The following RAB3A variants were observed in gnomAD, a reference collection of about 807,000 sequenced individuals.
RAB3A encodes the protein RAB3A, member RAS oncogene family.
In RAB3A, 5 loss-of-function variants were observed where a neutral mutation model predicts 19.7. The ratio of observed to expected loss-of-function variants is 0.25; its 90% CI spans 0.13 to 0.53. The LOEUF (loss-of-function observed/expected upper bound fraction) is 0.53. Among genes scored for constraint, RAB3A ranks in the 20% least tolerant of loss-of-function variants. The pLI is 0.95. For synonymous variants in RAB3A, 119 were observed against 122.1 expected, an observed-to-expected ratio of 0.97 and a Z score of 0.17; for missense variants, 189 against 305.6, an observed-to-expected ratio of 0.62 and a Z score of 2.85.
chr19:18,202,594 A>G lies in RAB3A; in HGVS notation c.147T>C (p.Pro49=). 1.2e-6 allele frequency: 2 copies of G among 1,614,224 alleles called. No individual in the cohort carries two copies. Among genetic ancestry groups the G allele is most frequent in the African/African-American group, 2.7e-5 (2 of 75,052 alleles). Residue 49 remains proline, a synonymous_variant, in exon 2 of 5, where the codon CCT becomes CCC. Transcript: ENST00000222256. This position sits in a 1 kb window ranked among gnomAD's most constrained non-coding sequence, Gnocchi z 4.2. ...CGATGCCCACGGTGCTGACGAAGGC[A>G]GGCGTGAACGAGTCGTCAGCATAGC... ...LFRYADDSFT[P]AFVSTVGIDF...
At chr19:18,199,909 T>A (rs987085004) in intron 3 of RAB3A, among the ~76,000 whole-genome samples, 1 of 152,208 alleles carries the variant, frequency 6.6e-6, no homozygotes, top group Non-Finnish European at 1.5e-5. Flanking sequence ...TACTTTTCCA[T>A]CTGAAATCCT....
chr19:18,198,203 A>G (rs1161673073), intron 4 of RAB3A, among the ~76,000 whole-genome samples: 1 of 151,666 alleles, frequency 6.6e-6, no homozygotes, highest in Non-Finnish European at 1.5e-5. Flanking sequence ...GTGACTCCCT[A>G]TTGCCCTCCA....
chr19:18,203,831 A>G (rs1390889429), intron 1 of RAB3A, 65 bp downstream of exon 1: 1 of 152,652 alleles, frequency 6.6e-6, no homozygotes, highest in East Asian at 1.9e-4. Context: ...CCATCAGCCC[A>G]TCAGTCAAAT....
Position 18,198,066 on chromosome 19 carries a change from GTGTCTCGT to G in RAB3A, c.473-414_473-407del, listed in dbSNP as rs1005760622. Among the ~76,000 whole-genome samples the G allele has an allele frequency of 1.6e-3, 241 of 151,906 alleles. 5 individuals are homozygous for G. Among genetic ancestry groups the G allele is most frequent in the Admixed American group, 0.016 (237 of 15,230 alleles). ...CCTCCTGCCCTTCCTTCCTAAAATT[GTGTCTCGT>G]TGTCCTTAGGGACCTGGCAAGACAT... On this transcript the variant is annotated intron_variant, in intron 4 of 4. Coordinates refer to ENST00000222256, the MANE Select transcript of RAB3A (RefSeq NM_002866.5).
At chr19:18,203,439 G>T (rs1176745292) in intron 1 of RAB3A, among the ~76,000 whole-genome samples, 2 of 152,184 alleles carry the variant, frequency 1.3e-5, no homozygotes, top group African/African-American at 4.8e-5. Flanking sequence ...CCCCGTGCTT[G>T]TATGCACGGG....
chr19:18,198,117 CCAGCCCCGTG>C (rs1288698897), intron 4 of RAB3A, among the ~76,000 whole-genome samples: 2 of 152,090 alleles, frequency 1.3e-5, no homozygotes, highest in Admixed American at 6.6e-5. Flanking sequence ...AGCGTCCAGC[CCAGCCCCGTG>C]CACTGGCCCT....
rs200394567 is a variant in RAB3A, at chr19:18,197,465, G to A, written c.*5C>T. 9.0e-4 allele frequency: 1,440 copies of A among 1,607,404 alleles called. No individual in the cohort carries two copies. The highest frequency in any genetic ancestry group is 1.2e-3 in the Non-Finnish European group (1,373 of 1,176,328). Reference sequence around the variant, plus strand: ...GGGAAGAGGGGAAAGGGAGTGGGATGGCTCTCAGCAGGCGCAGTCCTGGTG... The same window carrying A: ...GGGAAGAGGGGAAAGGGAGTGGGATAGCTCTCAGCAGGCGCAGTCCTGGTG... On this transcript the variant is annotated 3_prime_UTR_variant, in exon 5 of 5. Transcript: ENST00000222256.
At chr19:18,203,196 C>T (rs756345577) in intron 1 of RAB3A, among the ~76,000 whole-genome samples, 1 of 152,234 alleles carries the variant, frequency 6.6e-6, no homozygotes, top group Non-Finnish European at 1.5e-5. Flanking sequence ...AGAGCTCCGG[C>T]CAAGGCCGCT....
At chr19:18,197,705 T>C (rs1318532785) in intron 4 of RAB3A, 45 bp from the exon 5 acceptor site, 1 of 1,503,400 alleles carries the variant, frequency 6.7e-7, no homozygotes, top group Admixed American at 2.0e-5. Context: ...CCACGCCCTA[T>C]GCCAACTCCC....
At chr19:18,203,689 A>C (rs1967645415) in intron 1 of RAB3A, among the ~76,000 whole-genome samples, 1 of 152,124 alleles carries the variant, frequency 6.6e-6, no homozygotes, top group Non-Finnish European at 1.5e-5. Context: ...CCTCCGCCGC[A>C]GAGCAGGGGG....
chr19:18,202,340 T>C lies in RAB3A; in HGVS notation c.228+173A>G, dbSNP rs951196536. 239 of 599,338 alleles carry C rather than the reference T, an allele frequency of 4.0e-4. 2 individuals carry two copies. The highest frequency in any genetic ancestry group is 3.9e-3 in the Middle Eastern group (9 of 2,296). 37.1% of individuals were successfully genotyped at this position (599,338 alleles called of 1,614,324 possible). Reference sequence around the variant, plus strand: ...CTGAGGGACCAGGATTAGGTGCTTATGGGAGAACACAGGTGCTGTTTCTGC... The same window carrying C: ...CTGAGGGACCAGGATTAGGTGCTTACGGGAGAACACAGGTGCTGTTTCTGC... On this transcript the variant is annotated intron_variant, in intron 2 of 4. Coordinates refer to ENST00000222256, the MANE Select transcript of RAB3A (RefSeq NM_002866.5). The surrounding 1 kb of genome is among the most constrained non-coding windows in gnomAD (Gnocchi z 4.2).
chr19:18,201,150 G>A (rs911075966), intron 2 of RAB3A, among the ~76,000 whole-genome samples: 2 of 150,910 alleles, frequency 1.3e-5, no homozygotes, highest in Non-Finnish European at 2.9e-5. Flanking sequence ...CAGGAGAATC[G>A]CTTGAACTCA....
chr19:18,197,793 C>T (rs1967552221), intron 4 of RAB3A, 133 bp from the exon 5 acceptor site: 4 of 137,996 alleles, frequency 2.9e-5, no homozygotes, highest in Non-Finnish European at 5.3e-5. Flanking sequence ...TGACAAATCC[C>T]ACAGAGAAGA....
Position 18,197,060 on chromosome 19 carries a change from G to A in RAB3A, c.*410C>T, listed in dbSNP as rs902507251. 4.8e-5 allele frequency: 9 copies of A among 187,996 alleles called. No homozygotes were observed. Among genetic ancestry groups the A allele is most frequent in the Non-Finnish European group, 8.8e-5 (8 of 90,928 alleles). The allele number at this position is 187,996 out of a possible 1,614,324, so 11.6% of individuals were successfully genotyped here. On this transcript the variant is annotated 3_prime_UTR_variant, in exon 5 of 5. Transcript: ENST00000222256. ...GGCCTCGGCCCACCGCGGCAGAGCC[G>A]AGGGGCTGGCAGGCCTGGCCACCTC...
At position 18,197,182 on chromosome 19, in the gene RAB3A, G is replaced by C. The variant is rs751637953; in HGVS notation, c.*288C>G. ...GAATTTTAAAAAAAGGCGGGGGGGG[G>C]GGGTTCAGGAGGGTGAGCGGTGAGT... On this transcript the variant is annotated 3_prime_UTR_variant, in exon 5 of 5. Transcript: ENST00000222256. 1.3e-3 allele frequency: 494 copies of C among 377,422 alleles called. 6 individuals carry two copies. The highest frequency in any genetic ancestry group is 1.7e-3 in the Non-Finnish European group (365 of 211,508). The allele number at this position is 377,422 out of a possible 1,614,324, so 23.4% of individuals were successfully genotyped here. A position where few individuals can be genotyped will look rare whatever the true frequency, so the allele number is the denominator to read the frequency against.
At position 18,202,819 on chromosome 19, in the gene RAB3A, A is replaced by G. The variant is rs1485491682; in HGVS notation, c.1-79T>C. 1.7e-6 allele frequency: 2 copies of G among 1,204,408 alleles called. No individual in the cohort carries two copies. The highest frequency in any genetic ancestry group is 3.6e-5 in the Admixed American group (2 of 55,682). The allele number at this position is 1,204,408 out of a possible 1,614,324, so 74.6% of individuals were successfully genotyped here. ...TGCCCAAGCCCAGGCAGAAGATGGC[A>G]AGGGCTCCAGAAAACGGCCGGTGTA... is the stretch of plus-strand genomic sequence containing the variant. On this transcript the variant is annotated intron_variant, in intron 1 of 4. Coordinates refer to ENST00000222256, the MANE Select transcript of RAB3A (RefSeq NM_002866.5). This position sits in a 1 kb window ranked among gnomAD's most constrained non-coding sequence, Gnocchi z 4.2.
rs1347190902 is a variant in RAB3A at position 18,196,825 on chromosome 19, G to C, written c.*645C>G. 1 of 276,578 alleles carries C rather than the reference G, an allele frequency of 3.6e-6. No homozygotes were observed. Among genetic ancestry groups the C allele is most frequent in the Non-Finnish European group, 7.0e-6 (1 of 142,350 alleles). 17.1% of individuals were successfully genotyped at this position (276,578 alleles called of 1,614,324 possible). ...GGATGGTCCATTCGCTTTATTGGGTGCGTGTAGTGTTGTCATGACATCTCC... is the reference window on the plus strand; with the variant it reads ...GGATGGTCCATTCGCTTTATTGGGTCCGTGTAGTGTTGTCATGACATCTCC... On this transcript the variant is annotated 3_prime_UTR_variant, in exon 5 of 5. Coordinates refer to ENST00000222256, the MANE Select transcript of RAB3A (RefSeq NM_002866.5).
In RAB3A at chr19:18,202,544, C is replaced by T. The variant is rs185893715; in HGVS notation, c.197G>A (p.Arg66His). The change falls in exon 2 of 5, where the codon CGC (arginine) becomes CAC (histidine). Residue 66 changes from arginine to histidine, a missense_variant. By Grantham distance (29) the Arg-to-His change is conservative (BLOSUM62 0). Coordinates refer to ENST00000222256, the MANE Select transcript of RAB3A (RefSeq NM_002866.5). The surrounding 1 kb of genome is among the most constrained non-coding windows in gnomAD (Gnocchi z 4.2). ...GIDFKVKTIY[R>H]NDKRIKLQIW... ...CTGCAGCTTGATCCTCTTGTCGTTG[C>T]GATAGATGGTCTTGACCTTGAAGTC... The T allele has an allele frequency of 3.7e-6, 6 of 1,614,124 alleles. No homozygotes were observed. The highest frequency in any genetic ancestry group is 2.2e-5 in the East Asian group (1 of 44,874).
At position 18,201,263 on chromosome 19, in the gene RAB3A, A is replaced by AAAGAAAGAAAGAAAGAAAG. The variant is rs1555819264; in HGVS notation, c.229-819_229-818insCTTTCTTTCTTTCTTTCTT. Among the ~76,000 whole-genome samples, 23 of 121,776 alleles carry AAAGAAAGAAAGAAAGAAAG rather than the reference A, an allele frequency of 1.9e-4. No individual in the cohort carries two copies. In the East Asian group the frequency reaches 2.0e-3, roughly 10 times the overall value. 79.9% of individuals were successfully genotyped at this position (121,776 alleles called of 152,430 possible). A position where few individuals can be genotyped will look rare whatever the true frequency, so the allele number is the denominator to read the frequency against. ...AACAATAACAACAAAAAAAAAAAAA[A>AAAGAAAGAAAGAAAGAAAG]AAAGAAAGAAAGAAAGAAAGAAAGA... On this transcript the variant is annotated intron_variant, in intron 2 of 4. Transcript: ENST00000222256.
Sources: gnomAD v4.1 joint callset for allele counts (sites outside exome capture counted in the v4.1 genomes callset) on GRCh38, gnomAD v4.1.1 for gene constraint, Gnocchi (gnomAD v3.1) non-coding constraint, MANE v1.5 for transcripts, NCBI Gene and HGNC (gene_info 2026-07-23, HGNC 2026-07-21) for gene names.